Variants in CCDC59 observed in about 807,000 individuals in gnomAD.
The protein encoded by CCDC59 is thyroid transcription factor 1-associated protein 26.
CCDC59 carries 27 observed loss-of-function variants against 30.5 expected under a neutral mutation model. That is an observed-to-expected ratio of 0.89 (90% confidence interval 0.65 to 1.22). The LOEUF is 1.22. Among genes scored for constraint, CCDC59 ranks in the 50% most tolerant of loss-of-function variants. The pLI is 0.00. For synonymous variants in CCDC59, 125 were observed against 100.9 expected, an observed-to-expected ratio of 1.24 and a Z score of -1.43; for missense variants, 362 against 284.4, an observed-to-expected ratio of 1.27 and a Z score of -1.96.
chr12:82,357,214 C>G lies in CCDC59; in HGVS notation c.210G>C (p.Leu70Phe). The change falls in exon 2 of 4, where the codon TTG becomes TTC. Residue 70 changes from leucine (L) to phenylalanine (F), a missense_variant. By Grantham distance (22) the Leu-to-Phe change is conservative. Transcript: ENST00000256151. The stretch of plus-strand genomic sequence containing the variant: ...TTTGAGCCTTCTTTTCCTTCCGTAG[C>G]AATTTCTTGTAACTTTGCTGTATTT... Reference protein sequence around the residue: ...KLKIQQSYKKLLRKEKKAQTS... With the variant: ...KLKIQQSYKKFLRKEKKAQTS... 6.2e-7 allele frequency: 1 copy of G among 1,614,128 alleles called. No homozygotes were observed. Among genetic ancestry groups the G allele is most frequent in the Admixed American group, 1.7e-5 (1 of 60,022 alleles).
chr12:82,355,969 A>C (rs1880993714), intron 2 of CCDC59: 1 of 152,178 alleles, frequency 6.6e-6, no homozygotes, highest in South Asian at 2.1e-4. Flanking sequence ...TTCTACTGCT[A>C]ATCTTTTCCC....
At chr12:82,355,569 G>A (rs1880983044) in intron 2 of CCDC59, 1 of 152,144 alleles carries the variant, frequency 6.6e-6, no homozygotes, top group African/African-American at 2.4e-5. Flanking sequence ...CAAAAGTTAT[G>A]GCCACAGTAC....
chr12:82,352,658 C>T lies in CCDC59; in HGVS notation c.*493G>A, dbSNP rs1409295275. On this transcript the variant is annotated 3_prime_UTR_variant, in exon 4 of 4. Coordinates refer to ENST00000256151, the MANE Select transcript of CCDC59 (RefSeq NM_014167.5). ...TTTGAGTTCACTGCTTTGTGAAGGT[C>T]GCTTTGTTATATGGTGAGGGCAGTT... 2 of 152,326 alleles carry T rather than the reference C, an allele frequency of 1.3e-5. No homozygotes were observed. Among genetic ancestry groups the T allele is most frequent in the South Asian group, 2.1e-4 (1 of 4,840 alleles). The allele number at this position is 152,326 out of a possible 1,614,324, so 9.4% of individuals were successfully genotyped here.
intron 2 of CCDC59, chr12:82,355,370 G>A (rs979967027): frequency 3.3e-5 from 5 of 152,068 alleles, no homozygotes; most frequent in Non-Finnish European, 5.9e-5. Context: ...CAATTCATAT[G>A]TTTTAAATTG....
chr12:82,353,420 T>C (rs934103828), intron 3 of CCDC59, 108 bp from the exon 4 acceptor site: 1 of 868,570 alleles, frequency 1.2e-6, no homozygotes, highest in Admixed American at 3.3e-5. Flanking sequence ...GTTTGTCTCT[T>C]CTATTTTGCA....
intron 2 of CCDC59, 32 bp from the exon 3 acceptor site, chr12:82,354,626 T>C (rs770671883): frequency 8.5e-6 from 13 of 1,535,052 alleles, no homozygotes; most frequent in Non-Finnish European, 1.1e-5. Context: ...AACAGGACTT[T>C]ATTAGTAAAA....
In CCDC59 at chr12:82,353,140, G is replaced by C; in HGVS notation, c.*11C>G. 6.3e-7 allele frequency: 1 copy of C among 1,593,658 alleles called. No individual in the cohort carries two copies. The highest frequency in any genetic ancestry group is 8.5e-7 in the Non-Finnish European group (1 of 1,172,232). On this transcript the variant is annotated 3_prime_UTR_variant, in exon 4 of 4. Coordinates refer to ENST00000256151, the MANE Select transcript of CCDC59 (RefSeq NM_014167.5). The stretch of plus-strand genomic sequence containing the variant: ...AGGCAGCAGATATTTTAACCTGTAG[G>C]AACAAAATGTTTAACATTTTTCTTG...
rs1880880818 is a variant in CCDC59 at position 82,353,219 on chromosome 12, T to C, written c.658A>G (p.Lys220Glu). 1.9e-6 allele frequency: 3 copies of C among 1,612,796 alleles called. No individual in the cohort carries two copies. The highest frequency in any genetic ancestry group is 2.5e-6 in the Non-Finnish European group (3 of 1,179,556). The change falls in exon 4 of 4, where the codon AAA (lysine) becomes GAA (glutamate). Residue 220 changes from lysine (K) to glutamate (E), a missense_variant. Lys to Glu is a moderately conservative substitution (Grantham distance 56). Transcript: ENST00000256151. ...ACATTCAAGTTTGGTTGGCCCTTTT[T>C]AGTCTTTTTGTTCAGTATTTTAAAC... ...EVFKILNKKT[K>E]KGQPNLNVQM...
At chr12:82,358,754 G>T (rs148294101), upstream of CCDC59, 102 of 1,613,956 alleles carry the variant, frequency 6.3e-5, no homozygotes, top group Non-Finnish European at 7.4e-5. Context: ...CTGCGCTGAG[G>T]AAGTCAGCGT....
At chr12:82,357,471 G>A in intron 1 of CCDC59, 1 of 575,576 alleles carries the variant, frequency 1.7e-6, no homozygotes, top group Non-Finnish European at 3.1e-6. Flanking sequence ...AAAAGACCAG[G>A]CTAACAGTCA....
chr12:82,352,844 T>C lies in CCDC59; in HGVS notation c.*307A>G, dbSNP rs1280286992. ...TGCTTCATTGATAGCTCTGATTCCT[T>C]ATTTTTAAAAAATTTATTTCATATA... On this transcript the variant is annotated 3_prime_UTR_variant, in exon 4 of 4. Coordinates refer to ENST00000256151, the MANE Select transcript of CCDC59 (RefSeq NM_014167.5). 4 of 183,990 alleles carry C rather than the reference T, an allele frequency of 2.2e-5. No individual in the cohort carries two copies. Among genetic ancestry groups the C allele is most frequent in the African/African-American group, 7.0e-5 (3 of 42,790 alleles). 11.4% of individuals were successfully genotyped at this position (183,990 alleles called of 1,614,324 possible).
rs1485654779 is a variant in CCDC59 at position 82,358,324 on chromosome 12, C to A, written c.53G>T (p.Arg18Leu). The change falls in exon 1 of 4, where the codon CGT (arginine) becomes CTT (leucine). Residue 18 changes from arginine to leucine, a missense_variant. Transcript: ENST00000256151. ...CCCGACAGTGGAAACCCCTTCACCACGCGCCTCAATACCACCAGGCCGCCA... is the reference window on the plus strand; with the variant it reads ...CCCGACAGTGGAAACCCCTTCACCAAGCGCCTCAATACCACCAGGCCGCCA... The part of the protein sequence containing the change: ...AKWRPGGIEA[R>L]GEGVSTVGYR... 2 of 1,614,118 alleles carry A rather than the reference C, an allele frequency of 1.2e-6. No homozygotes were observed. The highest frequency in any genetic ancestry group is 2.7e-5 in the African/African-American group (2 of 75,064).
rs766064657 is a variant in CCDC59 at position 82,358,241 on chromosome 12, C to A, written c.136G>T (p.Val46Leu). Residue 46 changes from valine (V) to leucine (L), a missense_variant, in exon 1 of 4, where the codon GTG becomes TTG. Coordinates refer to ENST00000256151, the MANE Select transcript of CCDC59 (RefSeq NM_014167.5). ...TACATACCCTCGCGAACGCTCCCCA[C>A]GAAGGCTTGCGGGTGGTTAGGCCGC... ...TWRPNHPQAF[V>L]GSVREGQGFA... 1.6e-5 allele frequency: 26 copies of A among 1,614,134 alleles called. 2 individuals carry two copies. In the South Asian group the frequency reaches 2.7e-4, roughly 17 times the overall value.
chr12:82,356,962 T>C lies in CCDC59; in HGVS notation c.462A>G (p.Val154=), dbSNP rs564330722. ...TTTCAAATGAAGAAAATACATACTT[T>C]ACTGTTTTAATACATTGTTCTTCTG... is the stretch of plus-strand genomic sequence containing the variant. The part of the protein sequence containing the change: ...PQPEEQCIKT[V]NSFTIPKKNK... The change falls in exon 2 of 4, where the codon GTA becomes GTG. Residue 154 remains valine, a splice_region_variant and synonymous_variant. Coordinates refer to ENST00000256151, the MANE Select transcript of CCDC59 (RefSeq NM_014167.5). 4 of 1,598,318 alleles carry C rather than the reference T, an allele frequency of 2.5e-6. No individual in the cohort carries two copies. Among genetic ancestry groups the C allele is most frequent in the South Asian group, 2.2e-5 (2 of 90,004 alleles).
upstream of CCDC59, chr12:82,358,713 C>T (rs747154008): frequency 6.8e-6 from 11 of 1,614,056 alleles, no homozygotes; most frequent in Admixed American, 1.5e-4. Context: ...GTGGGAGGAG[C>T]TGGTCGACTT....
At position 82,358,256 on chromosome 12, in the gene CCDC59, G is replaced by A. The variant is rs1354221125; in HGVS notation, c.121C>T (p.His41Tyr). 2 of 1,614,182 alleles carry A rather than the reference G, an allele frequency of 1.2e-6. No homozygotes were observed. Among genetic ancestry groups the A allele is most frequent in the South Asian group, 1.1e-5 (1 of 91,076 alleles). The change falls in exon 1 of 4, where the codon CAC (histidine) becomes TAC (tyrosine). Residue 41 changes from histidine (H) to tyrosine (Y), a missense_variant. Physicochemically the swap from His to Tyr is moderately conservative, Grantham distance 83 (BLOSUM62 2). Coordinates refer to ENST00000256151, the MANE Select transcript of CCDC59 (RefSeq NM_014167.5). ...ACGCTCCCCACGAAGGCTTGCGGGT[G>A]GTTAGGCCGCCATGTCTTCTGTCTC... The part of the protein sequence containing the change: ...NVRQKTWRPN[H>Y]PQAFVGSVRE...
chr12:82,357,252 GAAAAGCAAA>G lies in CCDC59; in HGVS notation c.163_171del (p.Phe55_Phe57del), dbSNP rs1565786108. The stretch of plus-strand genomic sequence containing the variant: ...CTTTGCTGTATTTTCAGTTTTCTTC[GAAAAGCAAA>G]GCCTTGTCCTACATTGAGGAATATC... On this transcript the variant is annotated inframe_deletion, in exon 2 of 4. Coordinates refer to ENST00000256151, the MANE Select transcript of CCDC59 (RefSeq NM_014167.5). 3.7e-6 allele frequency: 6 copies of G among 1,609,128 alleles called. 1 individual carries two copies. Among genetic ancestry groups the G allele is most frequent in the African/African-American group, 1.4e-5 (1 of 73,546 alleles).
At chr12:82,354,704 G>A (rs1880952127) in intron 2 of CCDC59, 110 bp from the exon 3 acceptor site, 1 of 831,302 alleles carries the variant, frequency 1.2e-6, no homozygotes, top group African/African-American at 1.8e-5. Flanking sequence ...AGGCACAAAT[G>A]GGGATTCTTA....
In CCDC59 at chr12:82,357,093, C is replaced by T; in HGVS notation, c.331G>A (p.Val111Ile). Residue 111 changes from valine to isoleucine, a missense_variant, in exon 2 of 4, where the codon GTC becomes ATC. Transcript: ENST00000256151. ...EERHRKQARK[V>I]DHPLSEQVHQ... ...ACTTGTTCTGACAAAGGATGGTCGACTTTTCTTGCTTGCTTCCTATGTCTT... is the reference window on the plus strand; with the variant it reads ...ACTTGTTCTGACAAAGGATGGTCGATTTTTCTTGCTTGCTTCCTATGTCTT... 6.2e-7 allele frequency: 1 copy of T among 1,614,178 alleles called. No homozygotes were observed. The highest frequency in any genetic ancestry group is 8.5e-7 in the Non-Finnish European group (1 of 1,180,008).
Sources: allele counts gnomAD v4.1 joint callset, GRCh38; gene constraint gnomAD v4.1.1; transcripts MANE v1.5; gene names NCBI Gene and HGNC (gene_info 2026-07-23, HGNC 2026-07-21).